The following ELK3 variants were observed in gnomAD, a reference collection of about 807,000 sequenced individuals.
ELK3 encodes ETS domain-containing protein Elk-3.
In ELK3, 10 loss-of-function variants were observed where a neutral mutation model predicts 28.9. That is an observed-to-expected ratio of 0.35 (90% confidence interval 0.21 to 0.59). The LOEUF (loss-of-function observed/expected upper bound fraction) is 0.59, where lower values mean the gene tolerates loss of function less well. Among genes scored for constraint, ELK3 ranks in the 20% least tolerant of loss-of-function variants. The pLI, the probability that ELK3 is intolerant of heterozygous loss-of-function variation, is 0.82. For synonymous variants in ELK3, 272 were observed against 243.5 expected, an observed-to-expected ratio of 1.12 and a Z score of -1.09; for missense variants, 463 against 517.3, an observed-to-expected ratio of 0.90 and a Z score of 1.02.
At chr12:96,255,859 G>A (rs1029056635) in intron 3 of ELK3, among the ~76,000 whole-genome samples, 8 of 152,056 alleles carry the variant, frequency 5.3e-5, no homozygotes, top group Non-Finnish European at 1.0e-4. Flanking sequence ...CCATATATAG[G>A]GTCAAATAAA....
intron 1 of ELK3, among the ~76,000 whole-genome samples, chr12:96,221,666 A>G (rs1372203648): frequency 6.6e-6 from 1 of 152,222 alleles, no homozygotes; most frequent in Non-Finnish European, 1.5e-5. Context: ...AGGGTGGTTC[A>G]TAGGAGGAGT....
At chr12:96,228,442 A>AAAAAAAAAAAAAAAAAAAAG (rs761298726) in intron 2 of ELK3, among the ~76,000 whole-genome samples, 44 of 142,610 alleles carry the variant, frequency 3.1e-4, no homozygotes, top group Admixed American at 9.7e-4. Flanking sequence ...AAAAAAAAAA[A>AAAAAAAAAAAAAAAAAAAAG]AAGAAGATCA....
At chr12:96,205,965 G>A (rs1023071803) in intron 1 of ELK3, among the ~76,000 whole-genome samples, 10 of 152,288 alleles carry the variant, frequency 6.6e-5, no homozygotes, top group African/African-American at 2.2e-4. Flanking sequence ...TTCTTTAAGT[G>A]TATTACTTTA....
intron 1 of ELK3, among the ~76,000 whole-genome samples, chr12:96,219,545 G>A (rs558005437): frequency 2.5e-4 from 38 of 152,264 alleles, no homozygotes; most frequent in Non-Finnish European, 1.0e-4. Flanking sequence ...AAACTACGTC[G>A]AGTGGAACGA....
chr12:96,251,567 A>T (rs1294639831), intron 3 of ELK3, among the ~76,000 whole-genome samples: 1 of 152,194 alleles, frequency 6.6e-6, no homozygotes, highest in Non-Finnish European at 1.5e-5. Context: ...TAAGTATGTA[A>T]ATGTAAAGGA....
At chr12:96,245,620 A>G (rs1284791441) in intron 2 of ELK3, among the ~76,000 whole-genome samples, 1 of 152,194 alleles carries the variant, frequency 6.6e-6, no homozygotes, top group African/African-American at 2.4e-5. Context: ...CTAAGGAAAC[A>G]GAGTCCTTTT....
At chr12:96,241,493 T>G (rs1401081846) in intron 2 of ELK3, among the ~76,000 whole-genome samples, 1 of 151,822 alleles carries the variant, frequency 6.6e-6, no homozygotes, top group Non-Finnish European at 1.5e-5. Flanking sequence ...AGCCATACCT[T>G]TTCTTATAGG....
chr12:96,238,381 G>C (rs1951798151), intron 2 of ELK3, among the ~76,000 whole-genome samples: 1 of 152,220 alleles, frequency 6.6e-6, no homozygotes, highest in African/African-American at 2.4e-5. Flanking sequence ...ATAGTAAGCA[G>C]AGAGGCTGGA....
intron 2 of ELK3, among the ~76,000 whole-genome samples, chr12:96,230,800 T>C (rs373511732): frequency 1.3e-5 from 2 of 152,222 alleles, no homozygotes; most frequent in African/African-American, 2.4e-5. Context: ...TCTACAGTTG[T>C]GCGGAGTGCA....
chr12:96,209,685 C>G (rs991980459), intron 1 of ELK3, among the ~76,000 whole-genome samples: 2 of 152,110 alleles, frequency 1.3e-5, no homozygotes, highest in Admixed American at 6.5e-5. Flanking sequence ...TAAGAAAATA[C>G]TTCTGTCAAG....
Position 96,269,339 on chromosome 12 carries a change from T to G in ELK3, c.*2159T>G, listed in dbSNP as rs1390960243. 6.6e-6 allele frequency: 1 copy of G among 151,418 alleles called. No individual in the cohort carries two copies. Among genetic ancestry groups the G allele is most frequent in the Non-Finnish European group, 1.5e-5 (1 of 68,034 alleles). 9.4% of individuals were successfully genotyped at this position (151,418 alleles called of 1,614,324 possible). On this transcript the variant is annotated 3_prime_UTR_variant, in exon 5 of 5. Coordinates refer to ENST00000228741, the MANE Select transcript of ELK3 (RefSeq NM_005230.4). The stretch of plus-strand genomic sequence containing the variant: ...AATGTGCAAAAATCTCAACCAAAAC[T>G]ACTATTTTTAGTATACTTGTTTACG...
intron 2 of ELK3, among the ~76,000 whole-genome samples, chr12:96,238,431 A>G (rs1353554638): frequency 6.6e-6 from 1 of 152,228 alleles, no homozygotes; most frequent in Non-Finnish European, 1.5e-5. Flanking sequence ...CTGGGTCCAC[A>G]TGACTTCTGG....
chr12:96,236,188 GT>G (rs1951781804), intron 2 of ELK3, among the ~76,000 whole-genome samples: 2 of 152,276 alleles, frequency 1.3e-5, no homozygotes, highest in South Asian at 4.2e-4. Flanking sequence ...ACCCTTGAGT[GT>G]TTAAGGAGAG....
At chr12:96,252,608 G>C (rs149557266) in intron 3 of ELK3, among the ~76,000 whole-genome samples, 145 of 152,284 alleles carry the variant, frequency 9.5e-4, no homozygotes, top group Middle Eastern at 3.4e-3. Flanking sequence ...TTCATTGGAG[G>C]AGGGAACTGC....
intron 4 of ELK3, among the ~76,000 whole-genome samples, chr12:96,264,902 T>C (rs537356938): frequency 6.6e-6 from 1 of 152,376 alleles, no homozygotes; most frequent in Admixed American, 6.5e-5. Context: ...CCAGTAATTC[T>C]ATTTTAGAGA....
chr12:96,195,462 A>G (rs150399114), intron 1 of ELK3, among the ~76,000 whole-genome samples: 8 of 152,280 alleles, frequency 5.3e-5, no homozygotes, highest in African/African-American at 1.4e-4. Flanking sequence ...TTCGAACTCA[A>G]CGTTGGCCTG....
intron 1 of ELK3, among the ~76,000 whole-genome samples, chr12:96,218,270 A>G (rs1951634590): frequency 6.6e-6 from 1 of 152,236 alleles, no homozygotes; most frequent in Non-Finnish European, 1.5e-5. Flanking sequence ...AGAGGAATCC[A>G]GAAAGTATCA....
intron 1 of ELK3, among the ~76,000 whole-genome samples, chr12:96,221,492 C>A (rs1334763865): frequency 6.6e-6 from 1 of 152,210 alleles, no homozygotes; most frequent in Non-Finnish European, 1.5e-5. Context: ...CTTCTGCCCT[C>A]AGGAGCAGAT....
intron 2 of ELK3, among the ~76,000 whole-genome samples, chr12:96,225,027 CAATT>C (rs1951689059): frequency 1.3e-5 from 2 of 152,150 alleles, no homozygotes; most frequent in African/African-American, 4.8e-5. Context: ...TTTAACGTAG[CAATT>C]AATTAATCCT....
Sources: gnomAD v4.1 joint callset for allele counts (sites outside exome capture counted in the v4.1 genomes callset) on GRCh38, gnomAD v4.1.1 for gene constraint, MANE v1.5 for transcripts, NCBI Gene and HGNC (gene_info 2026-07-23, HGNC 2026-07-21) for gene names.